The following CLEC2A variants were observed in gnomAD, a reference collection of about 807,000 sequenced individuals.
The protein encoded by CLEC2A is C-type lectin domain family 2 member A, also known as keratinocyte-associated C-type lectin.
In CLEC2A, 19 loss-of-function variants were observed where a neutral mutation model predicts 18.6. The observed-to-expected ratio is 1.02, with a 90% CI of 0.71 to 1.50. CLEC2A has a LOEUF of 1.50. Among genes scored for constraint, CLEC2A ranks in the 40% most tolerant of loss-of-function variants. The probability of loss-of-function intolerance (pLI) is 0.00; values close to 1 mark genes in which losing one functional copy is unlikely to be tolerated. For missense variants in CLEC2A, 190 were observed against 207.9 expected (o/e 0.91, Z 0.53); for synonymous variants, 74 against 64.0 (o/e 1.16, Z -0.75).
At chr12:9,886,223 C>A in the CLEC2A span, among the ~76,000 whole-genome samples, 1 of 152,086 alleles carries the variant, frequency 6.6e-6, no homozygotes, top group Middle Eastern at 3.4e-3. Context: ...ATGTGTGTTT[C>A]TATAAAATTT....
At chr12:9,913,963 C>T (rs1359129844) in intron 4 of CLEC2A, among the ~76,000 whole-genome samples, 1 of 152,090 alleles carries the variant, frequency 6.6e-6, no homozygotes, top group East Asian at 1.9e-4. Flanking sequence ...CCCTTCTTTC[C>T]TTCCATTCTT....
At chr12:9,887,819 A>G in the CLEC2A span, among the ~76,000 whole-genome samples, 2 of 151,736 alleles carry the variant, frequency 1.3e-5, no homozygotes, top group African/African-American at 4.8e-5. Flanking sequence ...TGGGAGGCCA[A>G]GGCAGGTGGA....
chr12:9,900,728 C>A (rs113489150), intron 4 of CLEC2A, among the ~76,000 whole-genome samples: 7 of 152,108 alleles, frequency 4.6e-5, no homozygotes, highest in Admixed American at 3.3e-4. Context: ...GGTCAGGAAC[C>A]CTGTACAGGG....
chr12:9,881,512 C>A, the CLEC2A span: 1 of 1,015,808 alleles, frequency 9.8e-7, no homozygotes, highest in Non-Finnish European at 1.5e-6. Context: ...TACCTTGTGC[C>A]AAAGAGACAT....
chr12:9,924,433 G>T (rs1442071880), intron 2 of CLEC2A, among the ~76,000 whole-genome samples: 6 of 151,748 alleles, frequency 4.0e-5, no homozygotes, highest in African/African-American at 1.2e-4. Context: ...TCTTGAGAAT[G>T]ACCGAAACCC....
At chr12:9,899,567 C>A (rs1443961245) in intron 4 of CLEC2A, among the ~76,000 whole-genome samples, 1 of 152,202 alleles carries the variant, frequency 6.6e-6, no homozygotes, top group East Asian at 1.9e-4. Context: ...GGAAGAGCAA[C>A]CTTTTTCCCT....
chr12:9,912,822 G>A (rs1243738009), downstream of CLEC2A, among the ~76,000 whole-genome samples: 1 of 152,170 alleles, frequency 6.6e-6, no homozygotes, highest in Non-Finnish European at 1.5e-5. Flanking sequence ...GGGCAGACTG[G>A]TGGGAGTTTC....
intron 1 of CLEC2A, among the ~76,000 whole-genome samples, chr12:9,928,075 T>C (rs1447307027): frequency 2.6e-5 from 4 of 152,268 alleles, no homozygotes; most frequent in African/African-American, 9.6e-5. Flanking sequence ...CTAGAAAACA[T>C]AAAATAGTTT....
At chr12:9,927,852 G>C (rs1335899360) in intron 1 of CLEC2A, among the ~76,000 whole-genome samples, 2 of 151,416 alleles carry the variant, frequency 1.3e-5, no homozygotes, top group African/African-American at 2.4e-5. Flanking sequence ...TTCAAGATTA[G>C]GGAGAAATGA....
At chr12:9,881,722 G>T in the CLEC2A span, 1 of 1,200,928 alleles carries the variant, frequency 8.3e-7, no homozygotes, top group Non-Finnish European at 1.2e-6. Flanking sequence ...TCTAGGAAGA[G>T]AATTATCTTA....
chr12:9,915,673 A>G (rs778409398), intron 4 of CLEC2A, among the ~76,000 whole-genome samples: 9 of 152,172 alleles, frequency 5.9e-5, no homozygotes, highest in Non-Finnish European at 1.3e-4. Flanking sequence ...TGGACACAGA[A>G]AGGGCAACAA....
At chr12:9,903,556 T>C (rs1862865358) in intron 4 of CLEC2A, among the ~76,000 whole-genome samples, 1 of 152,218 alleles carries the variant, frequency 6.6e-6, no homozygotes, top group African/African-American at 2.4e-5. Flanking sequence ...TTATTAGGTA[T>C]AAAAGTAGAA....
At chr12:9,915,154 A>G (rs1057208334) in intron 4 of CLEC2A, among the ~76,000 whole-genome samples, 2 of 152,202 alleles carry the variant, frequency 1.3e-5, no homozygotes, top group African/African-American at 4.8e-5. Flanking sequence ...ATAATGAGAT[A>G]CCATCTCATG....
At chr12:9,923,311 A>T (rs550481741) in intron 2 of CLEC2A, among the ~76,000 whole-genome samples, 68 of 152,366 alleles carry the variant, frequency 4.5e-4, no homozygotes, top group African/African-American at 1.6e-3. Flanking sequence ...TACGCAGCCA[A>T]CAGACACAGG....
At chr12:9,880,784 C>T in the CLEC2A span, among the ~76,000 whole-genome samples, 1 of 152,126 alleles carries the variant, frequency 6.6e-6, no homozygotes, top group African/African-American at 2.4e-5. Flanking sequence ...CTCCAACTGA[C>T]TCAATAAGGC....
intron 4 of CLEC2A, among the ~76,000 whole-genome samples, chr12:9,905,848 A>G (rs1337386176): frequency 6.6e-6 from 1 of 152,158 alleles, no homozygotes; most frequent in Non-Finnish European, 1.5e-5. Flanking sequence ...TAGCAGTCAC[A>G]TTTGAAAAGG....
downstream of CLEC2A, among the ~76,000 whole-genome samples, chr12:9,912,314 G>A (rs1488263473): frequency 2.0e-5 from 3 of 152,078 alleles, no homozygotes; most frequent in Non-Finnish European, 2.9e-5. Context: ...CTTAGGCCGT[G>A]AGTCCCAACC....
chr12:9,928,651 T>C (rs967790252), intron 1 of CLEC2A, among the ~76,000 whole-genome samples: 2 of 152,182 alleles, frequency 1.3e-5, no homozygotes, highest in African/African-American at 4.8e-5. Context: ...AGTTTAGAGA[T>C]ATAGTACAAA....
Position 9,926,261 on chromosome 12 carries a change from T to A in CLEC2A, c.138A>T (p.Ile46=). 6.6e-7 allele frequency: 1 copy of A among 1,523,432 alleles called. No homozygotes were observed. The highest frequency in any genetic ancestry group is 8.9e-7 in the Non-Finnish European group (1 of 1,121,598). 94.4% of individuals were successfully genotyped at this position (1,523,432 alleles called of 1,614,324 possible). The change falls in exon 2 of 5, where the codon ATA becomes ATT. Residue 46 remains isoleucine, a splice_region_variant and synonymous_variant. Coordinates refer to ENST00000455827, the MANE Select transcript of CLEC2A (RefSeq NM_001130711.2). ...IIITTVCIIM[I]ATWSKHAKPV... Reference sequence around the variant, plus strand: ...AAGTGTATGAATTAAACCACTCACCTATCATAATAATGCAAACTGTAGTAA... The same window carrying A: ...AAGTGTATGAATTAAACCACTCACCAATCATAATAATGCAAACTGTAGTAA...
Sources: allele counts gnomAD v4.1 joint callset (sites outside exome capture counted in the v4.1 genomes callset), GRCh38; gene constraint gnomAD v4.1.1; transcripts MANE v1.5; gene names NCBI Gene and HGNC (gene_info 2026-07-23, HGNC 2026-07-21).